Variants in EPB41L5 observed in about 807,000 individuals in gnomAD.
The protein encoded by EPB41L5 is band 4.1-like protein 5.
EPB41L5 carries 55 observed loss-of-function variants against 106.6 expected under a neutral mutation model. That is an observed-to-expected ratio of 0.52 (90% confidence interval 0.42 to 0.65). The LOEUF (loss-of-function observed/expected upper bound fraction) is 0.65. Among genes scored for constraint, EPB41L5 ranks in the 30% least tolerant of loss-of-function variants. The pLI is 0.00. For synonymous variants in EPB41L5, 297 were observed against 306.7 expected, an observed-to-expected ratio of 0.97 and a Z score of 0.33; for missense variants, 871 against 882.1, an observed-to-expected ratio of 0.99 and a Z score of 0.16.
intron 2 of EPB41L5, among the ~76,000 whole-genome samples, chr2:120,041,605 A>G (rs899402429): frequency 1.3e-5 from 2 of 152,140 alleles, no homozygotes; most frequent in African/African-American, 4.8e-5. Flanking sequence ...TTGCAAGTGT[A>G]GTTTCACATA....
At chr2:120,023,424 A>T (rs1426651062) in intron 2 of EPB41L5, among the ~76,000 whole-genome samples, 1 of 152,106 alleles carries the variant, frequency 6.6e-6, no homozygotes, top group African/African-American at 2.4e-5. Context: ...TCCCAATACC[A>T]TTTATTAAAT....
intron 3 of EPB41L5, among the ~76,000 whole-genome samples, chr2:120,056,759 A>G (rs766591681): frequency 6.6e-6 from 1 of 151,564 alleles, no homozygotes; most frequent in East Asian, 1.9e-4. Context: ...TTTTTGGAAA[A>G]TCTTGTGAAG....
chr2:120,037,989 T>G (rs1679150748), intron 2 of EPB41L5, among the ~76,000 whole-genome samples: 1 of 152,338 alleles, frequency 6.6e-6, no homozygotes, highest in East Asian at 1.9e-4. Flanking sequence ...GCAGTGATTT[T>G]GTAGGATATG....
At chr2:120,164,013 T>TG (rs910843123) in intron 21 of EPB41L5, among the ~76,000 whole-genome samples, 6 of 105,114 alleles carry the variant, frequency 5.7e-5, no homozygotes, top group African/African-American at 2.1e-4. Context: ...GATGGAGTCT[T>TG]GCTCTGTCGC....
chr2:120,061,031 G>T (rs372998294), intron 3 of EPB41L5, among the ~76,000 whole-genome samples: 126 of 69,082 alleles, frequency 1.8e-3, no homozygotes, highest in East Asian at 4.0e-3. Flanking sequence ...GTTCAGGGAA[G>T]TTTTTTTTTT....
At position 120,146,283 on chromosome 2, in the gene EPB41L5, C is replaced by T. The variant is rs148320562; in HGVS notation, c.1787C>T (p.Thr596Ile). Residue 596 changes from threonine to isoleucine, a missense_variant, in exon 20 of 25, where the codon ACA (threonine) becomes ATA (isoleucine). Physicochemically the swap from Thr to Ile is moderately conservative, Grantham distance 89. Transcript: ENST00000263713. Reference protein sequence around the residue: ...HKNANVQDAATNSAVLNENNV... With the variant: ...HKNANVQDAAINSAVLNENNV... ...AATGCCAATGTTCAGGATGCTGCCA[C>T]AAACAGGTACAGTTCTGGGTAGACT... is the stretch of plus-strand genomic sequence containing the variant. The T allele has an allele frequency of 3.7e-6, 6 of 1,607,414 alleles. No homozygotes were observed. In the African/African-American group the frequency reaches 5.3e-5, roughly 14 times the overall value.
chr2:120,105,341 T>G (rs541412933), intron 16 of EPB41L5: 56 of 967,512 alleles, frequency 5.8e-5, no homozygotes, highest in Non-Finnish European at 6.6e-5. Context: ...TATTTTATAT[T>G]TCGAAGAGTT....
At chr2:120,078,667 A>G in intron 10 of EPB41L5, 86 bp downstream of exon 10, 1 of 872,816 alleles carries the variant, frequency 1.1e-6, no homozygotes, top group Non-Finnish European at 1.8e-6. Context: ...AAGTTTGGAA[A>G]TCAAATAGTT....
In EPB41L5 at chr2:120,113,256, A is replaced by T. The variant is rs370735094; in HGVS notation, c.1337+12442A>T. ...TGTATATATTAGTAAGTGCACGCAC[A>T]CATGCAAGAACCTAACTAGATAAAC... On this transcript the variant is annotated intron_variant, in intron 16 of 24. Coordinates refer to ENST00000263713, the MANE Select transcript of EPB41L5 (RefSeq NM_020909.4). Among the ~76,000 whole-genome samples, 28 of 152,390 alleles carry T rather than the reference A, an allele frequency of 1.8e-4. No homozygotes were observed. The East Asian group carries it at 5.4e-3, about 29-fold the overall frequency.
chr2:120,125,160 T>C (rs936743505), intron 16 of EPB41L5, among the ~76,000 whole-genome samples: 3 of 152,212 alleles, frequency 2.0e-5, no homozygotes, highest in Non-Finnish European at 4.4e-5. Flanking sequence ...TCCTTTTTTC[T>C]CCCACCATCA....
chr2:120,092,817 C>T (rs1683502627), intron 13 of EPB41L5, among the ~76,000 whole-genome samples: 1 of 152,224 alleles, frequency 6.6e-6, no homozygotes, highest in Non-Finnish European at 1.5e-5. Flanking sequence ...TGGAGGCTTA[C>T]AGATTGGTTC....
intron 11 of EPB41L5, among the ~76,000 whole-genome samples, chr2:120,088,688 A>G (rs1683224653): frequency 6.6e-6 from 1 of 151,978 alleles, no homozygotes; most frequent in Non-Finnish European, 1.5e-5. Flanking sequence ...AAAGTATTTA[A>G]TACGAGTTTA....
intron 20 of EPB41L5, among the ~76,000 whole-genome samples, chr2:120,147,702 T>C (rs1197950301): frequency 6.6e-6 from 1 of 151,956 alleles, no homozygotes; most frequent in Non-Finnish European, 1.5e-5. Flanking sequence ...ACTATTGTTA[T>C]TATTGAAGTC....
chr2:120,134,921 CCAGGAAAA>C (rs1431880846), intron 18 of EPB41L5, among the ~76,000 whole-genome samples: 1 of 152,050 alleles, frequency 6.6e-6, no homozygotes, highest in African/African-American at 2.4e-5. Context: ...CCAAGATCAT[CCAGGAAAA>C]CATGACCTCA....
chr2:120,110,661 A>C, intron 16 of EPB41L5, among the ~76,000 whole-genome samples: 1 of 140,714 alleles, frequency 7.1e-6, no homozygotes, highest in African/African-American at 2.7e-5. Flanking sequence ...TTTTGAGACC[A>C]AGTCTCACTC....
chr2:120,101,629 C>T (rs1684147733), intron 16 of EPB41L5: 1 of 152,236 alleles, frequency 6.6e-6, no homozygotes, highest in Non-Finnish European at 1.5e-5. Flanking sequence ...CTGTGGTGAT[C>T]TCAAGGTTTT....
chr2:120,130,306 C>T (rs1056472942), intron 17 of EPB41L5, among the ~76,000 whole-genome samples: 5 of 152,134 alleles, frequency 3.3e-5, no homozygotes, highest in African/African-American at 1.2e-4. Flanking sequence ...ATAACATTTG[C>T]TCAAAATCAA....
Position 120,119,873 on chromosome 2 carries a change from C to A in EPB41L5, c.1338-7815C>A, listed in dbSNP as rs144172690. On this transcript the variant is annotated intron_variant, in intron 16 of 24. Transcript: ENST00000263713. ...TGGGCAAAAGCACTTGCATGATTTT[C>A]AGCTCAATATAATTTACATAATAAA... Among the ~76,000 whole-genome samples, 3 of 152,220 alleles carry A rather than the reference C, an allele frequency of 2.0e-5. No individual in the cohort carries two copies. The East Asian group carries it at 5.8e-4, about 29-fold the overall frequency.
intron 1 of EPB41L5, 54 bp downstream of exon 1, chr2:120,013,264 C>A (rs577591382): frequency 6.6e-6 from 1 of 152,384 alleles, no homozygotes; most frequent in South Asian, 2.1e-4. Flanking sequence ...CGCTCCTAGC[C>A]GAGTGGACCC....
Sources: gnomAD v4.1 joint callset for allele counts (sites outside exome capture counted in the v4.1 genomes callset) on GRCh38, gnomAD v4.1.1 for gene constraint, MANE v1.5 for transcripts, NCBI Gene and HGNC (gene_info 2026-07-23, HGNC 2026-07-21) for gene names.